MACROD2: variants seen among roughly 807,000 people sequenced by gnomAD.
MACROD2 encodes mono-ADP ribosylhydrolase 2, also known as ADP-ribose glycohydrolase MACROD2.
In MACROD2, 36 loss-of-function variants were observed where a neutral mutation model predicts 70.4. The ratio of observed to expected loss-of-function variants is 0.51; its 90% confidence interval spans 0.39 to 0.68. MACROD2 has a LOEUF of 0.68. Among genes scored for constraint, MACROD2 ranks in the 30% least tolerant of loss-of-function variants. The pLI, the probability that MACROD2 is intolerant of heterozygous loss-of-function variation, is 0.00. For missense variants in MACROD2, 496 were observed against 538.4 expected (o/e 0.92, Z 0.78); for synonymous variants, 172 against 178.8 (o/e 0.96, Z 0.30).
At position 14,921,902 on chromosome 20, in the gene MACROD2, TA is replaced by T. The variant is rs1225544197; in HGVS notation, c.418+236946del. On this transcript the variant is annotated intron_variant, in intron 5 of 17. Transcript: ENST00000684519. ...GTACAATCATTGTGTGCAGAGTTTG[TA>T]AAGGTGTCTGATATTGCAAATGTAT... Among the ~76,000 whole-genome samples, 3 of 152,192 alleles carry T rather than the reference TA, an allele frequency of 2.0e-5. No individual in the cohort carries two copies. The East Asian group carries it at 5.8e-4, about 29-fold the overall frequency.
At chr20:15,413,640 G>T (rs1019752825) in intron 6 of MACROD2, among the ~76,000 whole-genome samples, 2 of 152,132 alleles carry the variant, frequency 1.3e-5, no homozygotes, top group African/African-American at 4.8e-5. Context: ...TAAAAAAATT[G>T]TAAGTTATCT....
Position 15,881,458 on chromosome 20 carries a change from G to A in MACROD2, c.728-4306G>A, listed in dbSNP as rs1601049247. 3.9e-5 allele frequency among the ~76,000 whole-genome samples: 6 copies of A among 152,208 alleles called. No homozygotes were observed. The South Asian group carries it at 1.2e-3, about 32-fold the overall frequency. On this transcript the variant is annotated intron_variant, in intron 9 of 17. Coordinates refer to ENST00000684519, the MANE Select transcript of MACROD2 (RefSeq NM_001351661.2). ...AGTCAGCCTCTGGATACGGGCCACA[G>A]GACCAGTTGAGTAATGAGGCAAAGG...
chr20:14,768,881 A>G lies in MACROD2; in HGVS notation c.418+83922A>G, dbSNP rs367970030. Among the ~76,000 whole-genome samples the G allele has an allele frequency of 1.8e-4, 28 of 152,138 alleles. 1 individual carries two copies. Among genetic ancestry groups the G allele is most frequent in the African/African-American group, 6.5e-4 (27 of 41,500 alleles). On this transcript the variant is annotated intron_variant, in intron 5 of 17. Transcript: ENST00000684519. The stretch of plus-strand genomic sequence containing the variant: ...CAGTAACAATAACTTTTTAACCAAC[A>G]CCTTCTAAAGAGCACCTTGAATTTA...
chr20:14,783,352 T>A (rs2072325843), intron 5 of MACROD2, among the ~76,000 whole-genome samples: 1 of 152,182 alleles, frequency 6.6e-6, no homozygotes, highest in Non-Finnish European at 1.5e-5. Context: ...ATTAATATGC[T>A]GTCATCTGAC....
chr20:15,897,511 A>T (rs1360410807), intron 10 of MACROD2, among the ~76,000 whole-genome samples: 1 of 151,826 alleles, frequency 6.6e-6, no homozygotes, highest in African/African-American at 2.4e-5. Context: ...ATTACTTTCT[A>T]TTCTTTCTTT....
intron 2 of MACROD2, among the ~76,000 whole-genome samples, chr20:14,058,372 C>T (rs891585030): frequency 4.6e-5 from 7 of 151,500 alleles, no homozygotes; most frequent in African/African-American, 1.7e-4. Context: ...AATTGTTTGC[C>T]TATATGTTCT....
intron 8 of MACROD2, among the ~76,000 whole-genome samples, chr20:15,813,939 A>G: frequency 6.6e-6 from 1 of 152,170 alleles, no homozygotes; most frequent in Non-Finnish European, 1.5e-5. Context: ...TTGTTTTTCC[A>G]TGTTCATGTT....
At chr20:15,622,068 G>A (rs1467208959) in intron 8 of MACROD2, among the ~76,000 whole-genome samples, 1 of 152,212 alleles carries the variant, frequency 6.6e-6, no homozygotes, top group East Asian at 1.9e-4. Flanking sequence ...CACTGAAGGG[G>A]AAGGACCAGG....
chr20:15,897,599 T>C (rs974567269), intron 10 of MACROD2, among the ~76,000 whole-genome samples: 1 of 152,150 alleles, frequency 6.6e-6, no homozygotes, highest in Non-Finnish European at 1.5e-5. Flanking sequence ...TTCCGGTTAA[T>C]TTTTTTCAAG....
intron 10 of MACROD2, among the ~76,000 whole-genome samples, chr20:15,891,744 G>A (rs1235568306): frequency 6.6e-6 from 1 of 152,180 alleles, no homozygotes; most frequent in Admixed American, 6.5e-5. Flanking sequence ...CATTCCTTGA[G>A]ATGTGCAATA....
At chr20:14,309,020 C>T (rs541376334) in intron 3 of MACROD2, among the ~76,000 whole-genome samples, 2 of 152,114 alleles carry the variant, frequency 1.3e-5, no homozygotes, top group Non-Finnish European at 2.9e-5. Flanking sequence ...ATCTTTGGAT[C>T]ATATACCAGA....
At chr20:15,107,486 A>C (rs1380070004) in intron 5 of MACROD2, among the ~76,000 whole-genome samples, 1 of 152,112 alleles carries the variant, frequency 6.6e-6, no homozygotes, top group Non-Finnish European at 1.5e-5. Context: ...ACCTTGTGAT[A>C]ATGAATAATT....
intron 8 of MACROD2, among the ~76,000 whole-genome samples, chr20:15,537,487 T>C (rs2047892961): frequency 6.7e-6 from 1 of 148,732 alleles, no homozygotes; most frequent in African/African-American, 2.5e-5. Context: ...TTTTTTTTTT[T>C]TTTTGAGAGG....
chr20:14,696,041 C>G (rs1439263183), intron 5 of MACROD2, among the ~76,000 whole-genome samples: 1 of 152,068 alleles, frequency 6.6e-6, no homozygotes, highest in East Asian at 1.9e-4. Flanking sequence ...CAGAGACAGG[C>G]CTAAATTGGA....
chr20:15,420,258 T>C (rs767263752), intron 6 of MACROD2, among the ~76,000 whole-genome samples: 2 of 152,240 alleles, frequency 1.3e-5, no homozygotes, highest in Non-Finnish European at 2.9e-5. Context: ...TTCATGGCCA[T>C]GTAATAGTTT....
At chr20:14,276,273 T>C (rs2082254896) in intron 3 of MACROD2, among the ~76,000 whole-genome samples, 1 of 150,690 alleles carries the variant, frequency 6.6e-6, no homozygotes, top group African/African-American at 2.4e-5. Flanking sequence ...GTGGCACATA[T>C]ACACCATGGA....
chr20:15,689,062 C>T (rs749485981), intron 8 of MACROD2, among the ~76,000 whole-genome samples: 1 of 152,156 alleles, frequency 6.6e-6, no homozygotes, highest in Non-Finnish European at 1.5e-5. Context: ...CCAGCACTTT[C>T]GGAGGCCAAG....
At chr20:15,574,293 T>C (rs892284643) in intron 8 of MACROD2, among the ~76,000 whole-genome samples, 2 of 152,102 alleles carry the variant, frequency 1.3e-5, no homozygotes, top group Non-Finnish European at 2.9e-5. Context: ...TTAATTATTT[T>C]CATTAAAAAA....
chr20:15,526,723 C>T (rs1045152564), intron 8 of MACROD2, among the ~76,000 whole-genome samples: 2 of 152,088 alleles, frequency 1.3e-5, no homozygotes, highest in African/African-American at 4.8e-5. Flanking sequence ...CCATATTGGG[C>T]GTGTGGGGGC....
Sources: gnomAD v4.1 joint callset for allele counts (sites outside exome capture counted in the v4.1 genomes callset) on GRCh38, gnomAD v4.1.1 for gene constraint, MANE v1.5 for transcripts, NCBI Gene and HGNC (gene_info 2026-07-23, HGNC 2026-07-21) for gene names.